The following EIF3L variants were observed in gnomAD, a reference collection of about 807,000 sequenced individuals.
EIF3L encodes eIEF associated protein HSPC021.
EIF3L carries 32 observed loss-of-function variants against 74.6 expected under a neutral mutation model. The ratio of observed to expected loss-of-function variants is 0.43; its 90% CI spans 0.32 to 0.58. The LOEUF (loss-of-function observed/expected upper bound fraction) is 0.58. EIF3L is among the 20% of genes least tolerant of loss of function. EIF3L has a pLI of 0.06. For missense variants in EIF3L, 474 were observed against 707.8 expected (o/e 0.67, Z 3.75); for synonymous variants, 256 against 254.4 (o/e 1.01, Z -0.06).
intron 1 of EIF3L, 152 bp downstream of exon 1, chr22:37,849,634 C>T (rs754869406): frequency 2.4e-5 from 20 of 839,474 alleles, no homozygotes; most frequent in Middle Eastern, 3.7e-4. Flanking sequence ...GTTCCCGGTC[C>T]CTAGACAACC....
chr22:37,863,011 T>A lies in EIF3L; in HGVS notation c.478T>A (p.Tyr160Asn). The change falls in exon 6 of 13, where the codon TAC becomes AAC. Residue 160 changes from tyrosine to asparagine, a missense_variant. Physicochemically the swap from Tyr to Asn is moderately radical, Grantham distance 143. Around this residue, in one of 4 missense-constraint regions of EIF3L, gnomAD observed 141 missense variants for 197.7 expected, o/e 0.71. Transcript: ENST00000652021. ...LEQRFESYYN[Y>N]CNLFNYILNA... ...GCAGAGGTTTGAATCCTATTACAAC[T>A]ACTGCAATCTCTTCAACTACATTCT... The A allele has an allele frequency of 1.2e-6, 2 of 1,613,680 alleles. No individual in the cohort carries two copies. The highest frequency in any genetic ancestry group is 1.7e-6 in the Non-Finnish European group (2 of 1,179,866).
chr22:37,869,046 A>G (rs1926335755), intron 7 of EIF3L, among the ~76,000 whole-genome samples: 1 of 151,896 alleles, frequency 6.6e-6, no homozygotes, highest in Non-Finnish European at 1.5e-5. Flanking sequence ...AAGTGCTGGG[A>G]TTATAGGCGT....
intron 11 of EIF3L, chr22:37,886,121 G>A (rs1927305554): frequency 6.7e-6 from 1 of 149,838 alleles, no homozygotes; most frequent in South Asian, 2.1e-4. Flanking sequence ...GTGAACTCGG[G>A]AGGTGGAGCT....
intron 10 of EIF3L, chr22:37,876,610 T>C (rs1569121384): frequency 1.3e-5 from 2 of 152,374 alleles, no homozygotes; most frequent in East Asian, 3.9e-4. Flanking sequence ...AAAATGAACT[T>C]TTAATGGCTA....
intron 11 of EIF3L, 36 bp from the exon 12 acceptor site, chr22:37,886,729 C>G: frequency 5.6e-6 from 9 of 1,593,270 alleles, no homozygotes; most frequent in Non-Finnish European, 6.9e-6. Context: ...GCTCCTCCAC[C>G]TGGCTGCTCT....
At chr22:37,866,822 C>CA (rs1277738911) in intron 7 of EIF3L, among the ~76,000 whole-genome samples, 5 of 152,084 alleles carry the variant, frequency 3.3e-5, no homozygotes, top group Non-Finnish European at 5.9e-5. Flanking sequence ...TGTGAACCAC[C>CA]ATGCCCAGCC....
intron 3 of EIF3L, among the ~76,000 whole-genome samples, chr22:37,855,016 G>A (rs1036855201): frequency 3.4e-4 from 52 of 152,164 alleles, no homozygotes; most frequent in Admixed American, 2.2e-3. Flanking sequence ...GGAGGGGTGG[G>A]GCTTGAGGAG....
chr22:37,876,147 G>A, intron 10 of EIF3L, 136 bp downstream of exon 10: 1 of 892,880 alleles, frequency 1.1e-6, no homozygotes, highest in Non-Finnish European at 1.7e-6. Flanking sequence ...AGAGCGCTCT[G>A]TGATTGTGCC....
At chr22:37,861,745 G>A (rs1051506580) in intron 5 of EIF3L, among the ~76,000 whole-genome samples, 2 of 152,050 alleles carry the variant, frequency 1.3e-5, no homozygotes, top group African/African-American at 4.8e-5. Context: ...GTACTTTGTG[G>A]ATATGCTAAG....
At chr22:37,878,441 A>G (rs1425006634) in intron 11 of EIF3L, 8 of 278,046 alleles carry the variant, frequency 2.9e-5, no homozygotes, top group African/African-American at 1.8e-4. Flanking sequence ...AAAAAACACA[A>G]GAGATAAACA....
At chr22:37,864,902 A>G (rs2145816396) in intron 7 of EIF3L, among the ~76,000 whole-genome samples, 1 of 152,274 alleles carries the variant, frequency 6.6e-6, no homozygotes. Context: ...CACACTGTGC[A>G]TTGGTTTCCC....
intron 4 of EIF3L, among the ~76,000 whole-genome samples, chr22:37,856,759 A>G (rs1445622984): frequency 6.6e-6 from 1 of 151,524 alleles, no homozygotes; most frequent in African/African-American, 2.4e-5. Flanking sequence ...CAGGAGAATC[A>G]CTTGAACCCG....
chr22:37,878,460 T>C (rs1416644843), intron 11 of EIF3L: 2 of 237,638 alleles, frequency 8.4e-6, no homozygotes, highest in African/African-American at 4.6e-5. Context: ...CAATAGATGG[T>C]TTTGTTTTGG....
At position 37,854,517 on chromosome 22, in the gene EIF3L, G is replaced by A. The variant is rs533286692; in HGVS notation, c.294-1048G>A. ...GATTTCGCTCTTGTTGCCCAGGCTA[G>A]AGTGCAATGGCGCAATCTCAGCTCA... On this transcript the variant is annotated intron_variant, in intron 3 of 12. Transcript: ENST00000652021. 4.6e-5 allele frequency among the ~76,000 whole-genome samples: 7 copies of A among 152,318 alleles called. No homozygotes were observed. The East Asian group carries it at 1.3e-3, about 29-fold the overall frequency.
chr22:37,874,352 G>C lies in EIF3L; in HGVS notation c.752-18G>C, dbSNP rs770330223. ...TTACCTGCCTCCTATCAGTATTCAC[G>C]GTGTCTGTCTCTTTCAGGTGACCCT... On this transcript the variant is annotated intron_variant, in intron 8 of 12. Transcript: ENST00000652021. 1 of 1,611,628 alleles carries C rather than the reference G, an allele frequency of 6.2e-7. No individual in the cohort carries two copies. The highest frequency in any genetic ancestry group is 1.1e-5 in the South Asian group (1 of 90,684).
chr22:37,867,978 A>G (rs1444759042), intron 7 of EIF3L, among the ~76,000 whole-genome samples: 1 of 149,340 alleles, frequency 6.7e-6, no homozygotes, highest in Admixed American at 6.7e-5. Context: ...AAAGAAAAAG[A>G]AAAAAAAATC....
intron 3 of EIF3L, among the ~76,000 whole-genome samples, chr22:37,854,674 T>C (rs1293851919): frequency 6.6e-6 from 1 of 152,046 alleles, no homozygotes; most frequent in African/African-American, 2.4e-5. Context: ...ACCGTGTTGG[T>C]CAGGCTGGTC....
intron 11 of EIF3L, chr22:37,881,285 A>G (rs906614314): frequency 3.3e-5 from 5 of 152,210 alleles, no homozygotes; most frequent in Non-Finnish European, 5.9e-5. Flanking sequence ...CTCAGGCTGT[A>G]GTGCAGTGAT....
At chr22:37,881,419 T>G (rs1465001445) in intron 11 of EIF3L, 2 of 151,890 alleles carry the variant, frequency 1.3e-5, no homozygotes, top group Non-Finnish European at 2.9e-5. Context: ...ATTGTTTTCT[T>G]TTTTTTTAGA....
Sources: allele counts gnomAD v4.1 joint callset (sites outside exome capture counted in the v4.1 genomes callset), GRCh38; gene constraint gnomAD v4.1.1; regional missense constraint gnomAD v4.1.1; transcripts MANE v1.5; gene names NCBI Gene and HGNC (gene_info 2026-07-23, HGNC 2026-07-21).